KALRN: variants seen among roughly 807,000 people sequenced by gnomAD.
The protein encoded by KALRN is kalirin.
In KALRN, 70 loss-of-function variants were observed where a neutral mutation model predicts 353.7. That is an observed-to-expected ratio of 0.20 (90% CI 0.16 to 0.24). The LOEUF is 0.24. Ranked by LOEUF, KALRN falls within the 10% of genes least tolerant of loss-of-function variation. The pLI is 1.00. For missense variants in KALRN, 2,791 were observed against 3,756.7 expected (o/e 0.74, Z 6.72); for synonymous variants, 1,391 against 1,434.8 (o/e 0.97, Z 0.69).
At chr3:124,601,364 T>C (rs1209656688) in intron 34 of KALRN, among the ~76,000 whole-genome samples, 1 of 152,244 alleles carries the variant, frequency 6.6e-6, no homozygotes, top group Non-Finnish European at 1.5e-5. Flanking sequence ...TTATGTAGGA[T>C]GGAAGTAGAT....
rs116680420 is a variant in KALRN at position 124,139,267 on chromosome 3, G to A, written c.74-88723G>A. 3.8e-3 allele frequency among the ~76,000 whole-genome samples: 578 copies of A among 152,304 alleles called. 2 individuals are homozygous for A. The highest frequency in any genetic ancestry group is 0.013 in the African/African-American group (547 of 41,562). On this transcript the variant is annotated intron_variant, in intron 1 of 59. Coordinates refer to ENST00000682506, the MANE Select transcript of KALRN (RefSeq NM_001388419.1). ...CACTCTCTTTAAGTTGTTCTCCAGA[G>A]AAAACATGCTGAATGGGTGGGTGCT...
chr3:124,490,904 T>C lies in KALRN; in HGVS notation c.4587+20T>C, dbSNP rs777136583. The C allele has an allele frequency of 6.9e-6, 11 of 1,595,508 alleles. No individual in the cohort carries two copies. The highest frequency in any genetic ancestry group is 9.4e-6 in the Non-Finnish European group (11 of 1,171,296). On this transcript the variant is annotated intron_variant, in intron 30 of 59. Coordinates refer to ENST00000682506, the MANE Select transcript of KALRN (RefSeq NM_001388419.1). ...CTACTGGTAGGTGGGGCAGGTGGGG[T>C]AAGACAAGACTCCCTGCTTTCATAG...
At chr3:124,579,354 G>A (rs2074416651) in intron 34 of KALRN, among the ~76,000 whole-genome samples, 2 of 152,232 alleles carry the variant, frequency 1.3e-5, no homozygotes, top group Admixed American at 1.3e-4. Flanking sequence ...CCTTATTCAT[G>A]TAAAATGGAC....
At chr3:124,262,962 T>A (rs561305484) in intron 3 of KALRN, among the ~76,000 whole-genome samples, 5 of 152,184 alleles carry the variant, frequency 3.3e-5, no homozygotes, top group Non-Finnish European at 5.9e-5. Context: ...AAGTAACCAA[T>A]GTCTATTTTG....
rs3054177 is a variant in KALRN, at chr3:124,265,298, C to CTTTTTTTTTTTTTTTTTTT, written c.456+622_456+623insTTTTTTTTTTTTTTTTTTT. Among the ~76,000 whole-genome samples the CTTTTTTTTTTTTTTTTTTT allele has an allele frequency of 6.3e-4, 46 of 73,112 alleles. 13 individuals carry two copies. Among genetic ancestry groups the CTTTTTTTTTTTTTTTTTTT allele is most frequent in the Non-Finnish European group, 8.4e-4 (31 of 36,814 alleles). 48.0% of individuals were successfully genotyped at this position (73,112 alleles called of 152,430 possible). A position where few individuals can be genotyped will look rare whatever the true frequency, so the allele number is the denominator to read the frequency against. ...CTAGTAACTAATTTAAGAAAATATTCTTTTTTTTTTTTTTGAGATAGAGTC... is the reference window on the plus strand; with the variant it reads ...CTAGTAACTAATTTAAGAAAATATTCTTTTTTTTTTTTTTTTTTTTTTTTTTTTTTTTTGAGATAGAGTC... On this transcript the variant is annotated intron_variant, in intron 4 of 59. Transcript: ENST00000682506.
rs138295388 is a variant in KALRN at position 124,473,381 on chromosome 3, A to T, written c.4032-1282A>T. Among the ~76,000 whole-genome samples the T allele has an allele frequency of 3.3e-3, 504 of 152,364 alleles. 1 individual carries two copies. Among genetic ancestry groups the T allele is most frequent in the Non-Finnish European group, 6.0e-3 (409 of 68,040 alleles). ...CACAGTTTTAAAATCAAAATTAGAT[A>T]GAAAAGTAAACATTGAGAAGTGTCA... is the stretch of plus-strand genomic sequence containing the variant. On this transcript the variant is annotated intron_variant, in intron 25 of 59. Transcript: ENST00000682506.
chr3:124,379,200 TG>T (rs2086978968), intron 10 of KALRN, among the ~76,000 whole-genome samples: 1 of 152,182 alleles, frequency 6.6e-6, no homozygotes, highest in African/African-American at 2.4e-5. Context: ...TACAGTCTAA[TG>T]TTTTTCATCT....
intron 37 of KALRN, among the ~76,000 whole-genome samples, chr3:124,638,976 A>G (rs1005020107): frequency 6.6e-6 from 1 of 152,220 alleles, no homozygotes. Context: ...AAGTTTGGGA[A>G]TCACTGGCCT....
chr3:124,326,254 A>T (rs2079896719), intron 7 of KALRN, 83 bp downstream of exon 7: 14 of 1,160,210 alleles, frequency 1.2e-5, no homozygotes, highest in Non-Finnish European at 1.7e-5. Context: ...GAGCACACAC[A>T]CTCTCTATAG....
intron 2 of KALRN, among the ~76,000 whole-genome samples, chr3:124,232,598 C>A (rs2079292824): frequency 6.6e-6 from 1 of 152,176 alleles, no homozygotes; most frequent in African/African-American, 2.4e-5. Context: ...TAAAGATTCT[C>A]TTCCTCTAGG....
chr3:124,279,672 G>A (rs1164831269), intron 5 of KALRN, among the ~76,000 whole-genome samples: 1 of 152,226 alleles, frequency 6.6e-6, no homozygotes, highest in African/African-American at 2.4e-5. Context: ...AACCAGTCTG[G>A]CAGGATCTTA....
intron 1 of KALRN, among the ~76,000 whole-genome samples, chr3:124,210,138 C>T (rs116568564): frequency 7.1e-4 from 108 of 152,260 alleles, no homozygotes; most frequent in Non-Finnish European, 1.1e-3. Context: ...CTATAAAATG[C>T]TAGTCTTTCC....
intron 14 of KALRN, among the ~76,000 whole-genome samples, chr3:124,415,007 G>C (rs1203623974): frequency 2.6e-5 from 4 of 152,242 alleles, no homozygotes; most frequent in Non-Finnish European, 5.9e-5. Flanking sequence ...GACCAGAGGA[G>C]AGACAGTCTA....
chr3:124,371,003 T>A (rs1047964666), intron 10 of KALRN, among the ~76,000 whole-genome samples: 1 of 152,256 alleles, frequency 6.6e-6, no homozygotes, highest in East Asian at 1.9e-4. Flanking sequence ...CTTTAGGGCA[T>A]TGTCCCCATA....
At chr3:124,504,611 C>A in intron 33 of KALRN, 1 of 323,738 alleles carries the variant, frequency 3.1e-6, no homozygotes, top group Non-Finnish European at 6.2e-6. Context: ...AGTATTAATG[C>A]CTATCACAGA....
chr3:124,714,100 C>A (rs527438288), intron 58 of KALRN, among the ~76,000 whole-genome samples: 5 of 151,860 alleles, frequency 3.3e-5, no homozygotes, highest in African/African-American at 1.2e-4. Flanking sequence ...AGGGGACAAA[C>A]CCCATGCTGC....
intron 34 of KALRN, among the ~76,000 whole-genome samples, chr3:124,604,142 GTT>G (rs10604055): frequency 1.4e-4 from 19 of 136,744 alleles, no homozygotes; most frequent in East Asian, 6.6e-4. Flanking sequence ...CTGCTTTCAC[GTT>G]TTTTTTTTTT....
intron 33 of KALRN, among the ~76,000 whole-genome samples, chr3:124,541,470 A>T (rs561485471): frequency 1.8e-4 from 26 of 147,120 alleles, no homozygotes; most frequent in Admixed American, 4.7e-4. Context: ...AATTAAAATT[A>T]AAAAAAAAAC....
chr3:124,626,308 A>C (rs1311923260), intron 34 of KALRN, among the ~76,000 whole-genome samples: 2 of 152,234 alleles, frequency 1.3e-5, no homozygotes, highest in Non-Finnish European at 1.5e-5. Flanking sequence ...TGATGAGGGC[A>C]ATTAGAGAGT....
Sources: gnomAD v4.1 joint callset for allele counts (sites outside exome capture counted in the v4.1 genomes callset) on GRCh38, gnomAD v4.1.1 for gene constraint, MANE v1.5 for transcripts, NCBI Gene and HGNC (gene_info 2026-07-23, HGNC 2026-07-21) for gene names.